FBXO36: variants seen among roughly 807,000 people sequenced by gnomAD.
FBXO36 encodes F-box only protein 36.
In FBXO36, 18 loss-of-function variants were observed where a neutral mutation model predicts 17.0. The ratio of observed to expected loss-of-function variants is 1.06; its 90% CI spans 0.73 to 1.57. FBXO36 has a LOEUF of 1.57. Ranked by LOEUF, FBXO36 falls within the 40% of genes most tolerant of loss-of-function variation. The pLI is 0.00. For missense variants in FBXO36, 229 were observed against 221.9 expected, an observed-to-expected ratio of 1.03 and a Z score of -0.20; for synonymous variants, 83 against 85.3, an observed-to-expected ratio of 0.97 and a Z score of 0.15.
intron 2 of FBXO36, among the ~76,000 whole-genome samples, chr2:229,989,635 C>T: frequency 6.6e-6 from 1 of 151,652 alleles, no homozygotes; most frequent in Admixed American, 6.6e-5. Context: ...GATCTCAGCT[C>T]ACTGCAACCT....
At chr2:229,930,875 C>G (rs1452782875) in intron 1 of FBXO36, among the ~76,000 whole-genome samples, 3 of 152,152 alleles carry the variant, frequency 2.0e-5, no homozygotes, top group Admixed American at 6.6e-5. Flanking sequence ...TCATTTACCC[C>G]CTCACTGCTC....
At chr2:229,939,118 A>G (rs1158500331) in intron 1 of FBXO36, 3 of 338,362 alleles carry the variant, frequency 8.9e-6, no homozygotes, top group Non-Finnish European at 1.2e-5. Context: ...CAATGGCGCC[A>G]TCTTGGCTCA....
rs560236227 is a variant in FBXO36, at chr2:229,933,949, G to A, written c.96+11340G>A. On this transcript the variant is annotated intron_variant, in intron 1 of 3. Coordinates refer to ENST00000283946, the MANE Select transcript of FBXO36 (RefSeq NM_174899.5). ...GATCTGCCCGCTTTGGCCTCCCAAAGTGCTGGGATTACAGGCGTGAGTCAC... is the reference window on the plus strand; with the variant it reads ...GATCTGCCCGCTTTGGCCTCCCAAAATGCTGGGATTACAGGCGTGAGTCAC... Among the ~76,000 whole-genome samples, 114 of 152,086 alleles carry A rather than the reference G, an allele frequency of 7.5e-4. 1 individual carries two copies. The highest frequency in any genetic ancestry group is 1.4e-3 in the Non-Finnish European group (96 of 67,974).
rs564655834 is a variant in FBXO36, at chr2:229,926,306, C to T, written c.96+3697C>T. Among the ~76,000 whole-genome samples, 262 of 151,712 alleles carry T rather than the reference C, an allele frequency of 1.7e-3. 1 individual carries two copies. Among genetic ancestry groups the T allele is most frequent in the South Asian group, 3.1e-3 (15 of 4,788 alleles). On this transcript the variant is annotated intron_variant, in intron 1 of 3. Coordinates refer to ENST00000283946, the MANE Select transcript of FBXO36 (RefSeq NM_174899.5). ...ATTAGCTGGGCATGGTGATGCACGC[C>T]TGTAGTCCTAGCTACTCGGGAGGCT...
intron 1 of FBXO36, among the ~76,000 whole-genome samples, chr2:229,972,162 T>G (rs2077184175): frequency 6.6e-6 from 1 of 151,568 alleles, no homozygotes; most frequent in South Asian, 2.1e-4. Flanking sequence ...CCCAGCTAAT[T>G]TTTGTATTTT....
intron 1 of FBXO36, among the ~76,000 whole-genome samples, chr2:229,964,048 AT>A (rs796571178): frequency 8.7e-5 from 13 of 149,520 alleles, no homozygotes; most frequent in South Asian, 4.3e-4. Flanking sequence ...AGACTTGTGA[AT>A]TTTTTTTTTC....
chr2:229,943,475 CTT>C lies in FBXO36; in HGVS notation c.96+20868_96+20869del, dbSNP rs2077010671. Among the ~76,000 whole-genome samples, 3 of 152,168 alleles carry C rather than the reference CTT, an allele frequency of 2.0e-5. No homozygotes were observed. The East Asian group carries it at 5.8e-4, about 29-fold the overall frequency. ...TGGGACGGGCAGTGTGAAGCTGAGT[CTT>C]TCCACTATAAATAAGGCTGTGCAAG... On this transcript the variant is annotated intron_variant, in intron 1 of 3. Transcript: ENST00000283946.
intron 2 of FBXO36, among the ~76,000 whole-genome samples, chr2:229,987,870 C>T (rs1361403949): frequency 2.0e-5 from 3 of 152,056 alleles, no homozygotes; most frequent in South Asian, 2.1e-4. Flanking sequence ...TGGCCTCAAG[C>T]GATTCCTCCC....
intron 1 of FBXO36, among the ~76,000 whole-genome samples, chr2:229,929,828 C>A (rs2076930545): frequency 6.6e-6 from 1 of 152,158 alleles, no homozygotes; most frequent in Non-Finnish European, 1.5e-5. Flanking sequence ...CACTGCCCTC[C>A]AGCTTGTGCA....
At chr2:229,958,420 G>A (rs1237100660) in intron 1 of FBXO36, among the ~76,000 whole-genome samples, 1 of 151,838 alleles carries the variant, frequency 6.6e-6, no homozygotes, top group Non-Finnish European at 1.5e-5. Context: ...ACAGGCGCCC[G>A]CCACGGCGCC....
intron 3 of FBXO36, among the ~76,000 whole-genome samples, chr2:230,004,854 A>G (rs2077378505): frequency 6.6e-6 from 1 of 151,968 alleles, no homozygotes; most frequent in African/African-American, 2.4e-5. Context: ...TAAAAATACA[A>G]AATTAGCTGG....
At chr2:229,976,167 C>T in intron 1 of FBXO36, 74 bp from the exon 2 acceptor site, 2 of 1,208,634 alleles carry the variant, frequency 1.7e-6, no homozygotes, top group Non-Finnish European at 2.3e-6. Flanking sequence ...TGCAAATTTT[C>T]AAAACCCCAA....
intron 2 of FBXO36, among the ~76,000 whole-genome samples, chr2:229,983,312 T>G (rs1262009930): frequency 1.3e-5 from 2 of 151,924 alleles, no homozygotes; most frequent in African/African-American, 4.8e-5. Flanking sequence ...GAGGCAGAAG[T>G]TGCAGTGAGC....
At chr2:229,926,371 C>T (rs2076912413) in intron 1 of FBXO36, among the ~76,000 whole-genome samples, 1 of 150,306 alleles carries the variant, frequency 6.7e-6, no homozygotes. Context: ...GCAAAGGTTG[C>T]AGTGAGCTGA....
intron 2 of FBXO36, among the ~76,000 whole-genome samples, chr2:229,985,196 A>G (rs1280762778): frequency 6.6e-6 from 1 of 152,158 alleles, no homozygotes; most frequent in African/African-American, 2.4e-5. Context: ...TTATTTTAAC[A>G]TTTGCACCTA....
chr2:229,971,508 A>C (rs935790547), intron 1 of FBXO36, among the ~76,000 whole-genome samples: 14 of 152,074 alleles, frequency 9.2e-5, no homozygotes, highest in Non-Finnish European at 7.4e-5. Context: ...TCTACCCAGA[A>C]ATGACTTAAA....
At position 229,977,977 on chromosome 2, in the gene FBXO36, T is replaced by G. The variant is rs74589475; in HGVS notation, c.205+1628T>G. 2.2e-3 allele frequency among the ~76,000 whole-genome samples: 337 copies of G among 152,242 alleles called. 1 individual carries two copies. The highest frequency in any genetic ancestry group is 7.5e-3 in the African/African-American group (312 of 41,534). On this transcript the variant is annotated intron_variant, in intron 2 of 3. Coordinates refer to ENST00000283946, the MANE Select transcript of FBXO36 (RefSeq NM_174899.5). The stretch of plus-strand genomic sequence containing the variant: ...TCCTTAAAAATAAAAATTTGCCAGG[T>G]GCAGTGGTTCATACCTGTAATCCTT...
At chr2:229,996,275 A>G (rs2077326796) in intron 2 of FBXO36, among the ~76,000 whole-genome samples, 1 of 152,054 alleles carries the variant, frequency 6.6e-6, no homozygotes, top group African/African-American at 2.4e-5. Flanking sequence ...CTAAAAAAAA[A>G]AAAAATAAGT....
At chr2:229,987,671 T>A (rs2077276038) in intron 2 of FBXO36, among the ~76,000 whole-genome samples, 1 of 152,064 alleles carries the variant, frequency 6.6e-6, no homozygotes, top group Admixed American at 6.6e-5. Flanking sequence ...TGTTCTGTCA[T>A]CCAGGCTGGA....
Sources: allele counts gnomAD v4.1 joint callset (sites outside exome capture counted in the v4.1 genomes callset), GRCh38; gene constraint gnomAD v4.1.1; transcripts MANE v1.5; gene names NCBI Gene and HGNC (gene_info 2026-07-23, HGNC 2026-07-21).